The following PPP2R2B variants were observed in gnomAD, a reference collection of about 807,000 sequenced individuals.
PPP2R2B encodes the protein protein phosphatase 2 regulatory subunit Bbeta, also known as serine/threonine-protein phosphatase 2A 55 kDa regulatory subunit B beta isoform.
PPP2R2B carries 5 observed loss-of-function variants against 46.0 expected under a neutral mutation model. The ratio of observed to expected loss-of-function variants is 0.11; its 90% CI spans 0.06 to 0.23. PPP2R2B has a LOEUF of 0.23. PPP2R2B is among the 10% of genes least tolerant of loss of function. The pLI is 1.00. For synonymous variants in PPP2R2B, 215 were observed against 206.7 expected (o/e 1.04, Z -0.34); for missense variants, 367 against 575.0 (o/e 0.64, Z 3.70).
At chr5:146,837,887 T>C (rs1049563733) in intron 2 of PPP2R2B, among the ~76,000 whole-genome samples, 2 of 152,082 alleles carry the variant, frequency 1.3e-5, no homozygotes. Context: ...TAGAGAAGAA[T>C]GGTATCAGAG....
chr5:146,620,002 GACA>G (rs1222445413), intron 7 of PPP2R2B, among the ~76,000 whole-genome samples: 3 of 152,158 alleles, frequency 2.0e-5, no homozygotes, highest in Non-Finnish European at 2.9e-5. Flanking sequence ...CAACACCAGT[GACA>G]ACAAGAGCAC....
At chr5:147,025,353 C>G (rs1416837793) in intron 1 of PPP2R2B, among the ~76,000 whole-genome samples, 2 of 151,638 alleles carry the variant, frequency 1.3e-5, no homozygotes, top group East Asian at 3.9e-4. Context: ...GAAAGAAATA[C>G]CAATCTTATG....
chr5:146,700,665 T>G (rs1339996685), intron 3 of PPP2R2B, among the ~76,000 whole-genome samples: 1 of 152,128 alleles, frequency 6.6e-6, no homozygotes, highest in African/African-American at 2.4e-5. Flanking sequence ...TAAACTATGT[T>G]TTTTTCCTCC....
At chr5:147,014,963 T>C (rs1754930031) in intron 1 of PPP2R2B, among the ~76,000 whole-genome samples, 2 of 152,128 alleles carry the variant, frequency 1.3e-5, no homozygotes, top group South Asian at 4.1e-4. Flanking sequence ...CATTATGTAT[T>C]TGCAAATATT....
chr5:146,599,411 A>G (rs920932954), intron 8 of PPP2R2B, among the ~76,000 whole-genome samples: 1 of 152,226 alleles, frequency 6.6e-6, no homozygotes, highest in Non-Finnish European at 1.5e-5. Flanking sequence ...GGCAAACTGC[A>G]AAGTGAAACA....
chr5:146,888,246 A>C (rs1419085754), intron 1 of PPP2R2B, among the ~76,000 whole-genome samples: 1 of 152,144 alleles, frequency 6.6e-6, no homozygotes, highest in African/African-American at 2.4e-5. Context: ...CCAGAGCAAT[A>C]TCACCAGCAG....
intron 2 of PPP2R2B, among the ~76,000 whole-genome samples, chr5:146,717,747 C>G (rs1489372615): frequency 6.6e-6 from 1 of 152,098 alleles, no homozygotes; most frequent in East Asian, 1.9e-4. Context: ...CCCTGACCTC[C>G]CTCCTTACCA....
intron 1 of PPP2R2B, among the ~76,000 whole-genome samples, chr5:146,928,424 T>A (rs1254850239): frequency 6.6e-6 from 1 of 151,958 alleles, no homozygotes; most frequent in East Asian, 1.9e-4. Flanking sequence ...GCTTTTTCCA[T>A]CTTGATTGAT....
At chr5:146,741,810 T>C (rs1752892262) in intron 2 of PPP2R2B, among the ~76,000 whole-genome samples, 1 of 152,250 alleles carries the variant, frequency 6.6e-6, no homozygotes. Flanking sequence ...CATCCTAAAT[T>C]ATTTTTGAAG....
At chr5:146,905,001 C>T (rs536164187) in intron 1 of PPP2R2B, among the ~76,000 whole-genome samples, 148 of 152,232 alleles carry the variant, frequency 9.7e-4, no homozygotes, top group Admixed American at 1.2e-3. Flanking sequence ...AATATCTGAA[C>T]AGAAATTTTA....
At chr5:146,951,968 T>C (rs1751633079) in intron 1 of PPP2R2B, among the ~76,000 whole-genome samples, 1 of 150,240 alleles carries the variant, frequency 6.7e-6, no homozygotes, top group Non-Finnish European at 1.5e-5. Context: ...CTAATTTACA[T>C]AGAATCTTTT....
chr5:146,884,205 T>G (rs1762255277), intron 1 of PPP2R2B, among the ~76,000 whole-genome samples: 1 of 150,604 alleles, frequency 6.6e-6, no homozygotes, highest in Admixed American at 6.7e-5. Flanking sequence ...CGGTGCAAAG[T>G]CCCCTCCAAT....
At chr5:146,963,257 G>A (rs1752257991) in intron 1 of PPP2R2B, among the ~76,000 whole-genome samples, 1 of 152,134 alleles carries the variant, frequency 6.6e-6, no homozygotes, top group African/African-American at 2.4e-5. Flanking sequence ...CTGTCTTCAT[G>A]GAGGTTTTGT....
At chr5:146,676,085 T>C (rs111230058) in intron 5 of PPP2R2B, among the ~76,000 whole-genome samples, 93 of 152,054 alleles carry the variant, frequency 6.1e-4, no homozygotes, top group Non-Finnish European at 1.2e-3. Flanking sequence ...CTGACATGTA[T>C]TGAAACAATG....
At chr5:146,667,325 TGCGC>T (rs748404166) in intron 5 of PPP2R2B, among the ~76,000 whole-genome samples, 9,758 of 42,804 alleles carry the variant, frequency 0.23, 353 homozygotes, top group South Asian at 0.39. Flanking sequence ...GGAATAGGCG[TGCGC>T]GCGCACACAC....
At chr5:146,847,386 C>T (rs1369600067) in intron 2 of PPP2R2B, among the ~76,000 whole-genome samples, 2 of 152,194 alleles carry the variant, frequency 1.3e-5, no homozygotes, top group African/African-American at 4.8e-5. Context: ...TGTAAAGGTG[C>T]CATGCTTCTT....
intron 5 of PPP2R2B, among the ~76,000 whole-genome samples, chr5:146,684,762 C>T (rs1778384724): frequency 6.6e-6 from 1 of 152,128 alleles, no homozygotes; most frequent in African/African-American, 2.4e-5. Flanking sequence ...TATCCTTCTC[C>T]ATGATTTCTC....
At chr5:146,745,011 C>T (rs1561873782) in intron 2 of PPP2R2B, among the ~76,000 whole-genome samples, 1 of 152,028 alleles carries the variant, frequency 6.6e-6, no homozygotes. Context: ...TTGTCCATTC[C>T]CAGTTCAATG....
At chr5:146,903,272 T>A (rs563024192) in intron 1 of PPP2R2B, among the ~76,000 whole-genome samples, 1 of 152,292 alleles carries the variant, frequency 6.6e-6, no homozygotes, top group South Asian at 2.1e-4. Flanking sequence ...ATTAAAGAAC[T>A]TTGAGGTTCT....
Sources: gnomAD v4.1 joint callset for allele counts (sites outside exome capture counted in the v4.1 genomes callset) on GRCh38, gnomAD v4.1.1 for gene constraint, MANE v1.5 for transcripts, NCBI Gene and HGNC (gene_info 2026-07-23, HGNC 2026-07-21) for gene names.